The following PSPC1 variants were observed in gnomAD, a reference collection of about 807,000 sequenced individuals.
PSPC1 encodes the protein paraspeckle protein 1.
Under a neutral mutation model 51.6 loss-of-function variants are expected in PSPC1, and 14 were observed. The observed-to-expected ratio is 0.27, with a 90% confidence interval of 0.18 to 0.42. PSPC1 has a LOEUF of 0.42. PSPC1 is among the 10% of genes least tolerant of loss of function. The pLI is 1.00. For missense variants in PSPC1, 406 were observed against 701.1 expected, an observed-to-expected ratio of 0.58 and a Z score of 4.75; for synonymous variants, 193 against 231.9, an observed-to-expected ratio of 0.83 and a Z score of 1.53.
intron 6 of PSPC1, among the ~76,000 whole-genome samples, chr13:19,721,427 C>T (rs1882754490): frequency 6.6e-6 from 1 of 152,122 alleles, no homozygotes; most frequent in African/African-American, 2.4e-5. Flanking sequence ...TCTTACCATT[C>T]TGAACCAAAA....
intron 3 of PSPC1, among the ~76,000 whole-genome samples, chr13:19,755,175 G>A (rs1383705072): frequency 6.6e-6 from 1 of 151,872 alleles, no homozygotes; most frequent in Admixed American, 6.6e-5. Flanking sequence ...GGTAGAGGCT[G>A]CAGTGAGCCA....
chr13:19,745,501 A>G (rs1259106170), intron 4 of PSPC1, among the ~76,000 whole-genome samples: 1 of 152,166 alleles, frequency 6.6e-6, no homozygotes, highest in African/African-American at 2.4e-5. Flanking sequence ...ACAAGTCATG[A>G]AAACTGAATG....
At chr13:19,733,786 A>AATATAT (rs777146075) in intron 5 of PSPC1, among the ~76,000 whole-genome samples, 23 of 141,862 alleles carry the variant, frequency 1.6e-4, no homozygotes, top group Non-Finnish European at 2.8e-4. Context: ...AAGAAAAAAA[A>AATATAT]ATATATATAT....
chr13:19,706,891 C>T (rs1228364094), intron 7 of PSPC1, among the ~76,000 whole-genome samples: 1 of 152,140 alleles, frequency 6.6e-6, no homozygotes, highest in Non-Finnish European at 1.5e-5. Context: ...CTCTTTGAAT[C>T]CAATCCCCAG....
chr13:19,684,067 T>G (rs1486099035), intron 6 of PSPC1, among the ~76,000 whole-genome samples: 1 of 152,346 alleles, frequency 6.6e-6, no homozygotes, highest in Non-Finnish European at 1.5e-5. Context: ...CTGCTTTATC[T>G]GCAAGGCAAC....
chr13:19,738,461 A>C (rs1363457257), intron 5 of PSPC1, among the ~76,000 whole-genome samples: 1 of 152,308 alleles, frequency 6.6e-6, no homozygotes, highest in East Asian at 1.9e-4. Context: ...ATAATACCTA[A>C]TACAATGTAA....
chr13:19,707,043 TGAAGA>T (rs1880771585), intron 7 of PSPC1, among the ~76,000 whole-genome samples: 1 of 152,138 alleles, frequency 6.6e-6, no homozygotes, highest in Non-Finnish European at 1.5e-5. Flanking sequence ...AATCTAGACA[TGAAGA>T]GAATATAAGA....
At chr13:19,708,778 G>T (rs1205568185) in intron 7 of PSPC1, among the ~76,000 whole-genome samples, 1 of 152,174 alleles carries the variant, frequency 6.6e-6, no homozygotes, top group Non-Finnish European at 1.5e-5. Flanking sequence ...TACACAAAAA[G>T]CTAGTTTAAG....
At chr13:19,707,633 T>TCCTC (rs1226888575) in intron 7 of PSPC1, among the ~76,000 whole-genome samples, 3 of 152,168 alleles carry the variant, frequency 2.0e-5, no homozygotes, top group Non-Finnish European at 2.9e-5. Context: ...TGTAAGTAAG[T>TCCTC]CCTCTGGTGA....
At chr13:19,756,307 T>G (rs531890248) in intron 3 of PSPC1, among the ~76,000 whole-genome samples, 2 of 152,206 alleles carry the variant, frequency 1.3e-5, no homozygotes, top group East Asian at 3.9e-4. Context: ...GGTACTTTCA[T>G]TTTCAATAAA....
intron 6 of PSPC1, among the ~76,000 whole-genome samples, chr13:19,695,201 A>G (rs931625893): frequency 6.6e-6 from 1 of 152,240 alleles, no homozygotes; most frequent in African/African-American, 2.4e-5. Flanking sequence ...TATGAGATCT[A>G]TATTTTCAGC....
intron 2 of PSPC1, among the ~76,000 whole-genome samples, chr13:19,764,217 T>A (rs1386848632): frequency 1.3e-5 from 2 of 152,132 alleles, no homozygotes; most frequent in African/African-American, 4.8e-5. Flanking sequence ...TCTGATCACA[T>A]TTTTGTGAAA....
At chr13:19,734,329 ATTTGT>A (rs1593655021) in intron 5 of PSPC1, among the ~76,000 whole-genome samples, 1 of 152,284 alleles carries the variant, frequency 6.6e-6, no homozygotes, top group African/African-American at 2.4e-5. Context: ...CAATTTTACA[ATTTGT>A]TTTATTTTGA....
At chr13:19,730,661 A>G (rs1467942551) in intron 5 of PSPC1, among the ~76,000 whole-genome samples, 1 of 152,074 alleles carries the variant, frequency 6.6e-6, no homozygotes, top group African/African-American at 2.4e-5. Flanking sequence ...CTTACTATAG[A>G]AAGGAAAAAA....
downstream of PSPC1, chr13:19,674,536 A>T (rs1296034233): frequency 2.0e-5 from 3 of 151,194 alleles, no homozygotes; most frequent in African/African-American, 7.3e-5. Context: ...AACGAAGCTG[A>T]CTGTTTGTTT....
intron 1 of PSPC1, among the ~76,000 whole-genome samples, chr13:19,777,856 G>C (rs544008609): frequency 6.6e-6 from 1 of 152,218 alleles, no homozygotes; most frequent in East Asian, 1.9e-4. Flanking sequence ...TGAGGCAGGA[G>C]AATCGCTTGA....
intron 4 of PSPC1, among the ~76,000 whole-genome samples, chr13:19,745,411 G>A (rs1291890527): frequency 6.6e-6 from 1 of 151,880 alleles, no homozygotes; most frequent in African/African-American, 2.4e-5. Flanking sequence ...ATAAATACAG[G>A]TACAGAAAAA....
At chr13:19,757,966 T>C (rs1449099124) in intron 3 of PSPC1, among the ~76,000 whole-genome samples, 1 of 152,136 alleles carries the variant, frequency 6.6e-6, no homozygotes, top group African/African-American at 2.4e-5. Context: ...TTTTATTTGA[T>C]GTGTTCGTTG....
intron 6 of PSPC1, among the ~76,000 whole-genome samples, chr13:19,720,586 G>GTCA (rs1882645237): frequency 6.6e-6 from 1 of 152,042 alleles, no homozygotes. Flanking sequence ...TAAATACATA[G>GTCA]TCATTTTTTA....
Sources: gnomAD v4.1 joint callset for allele counts (sites outside exome capture counted in the v4.1 genomes callset) on GRCh38, gnomAD v4.1.1 for gene constraint, MANE v1.5 for transcripts, NCBI Gene and HGNC (gene_info 2026-07-23, HGNC 2026-07-21) for gene names.